P3H2: variants seen among roughly 807,000 people sequenced by gnomAD.
P3H2 encodes prolyl 3-hydroxylase 2.
A neutral mutation model predicts 87.0 loss-of-function variants in P3H2; 80 were observed. The observed-to-expected ratio is 0.92, with a 90% CI of 0.77 to 1.11. The LOEUF is 1.11. Among genes scored for constraint, P3H2 ranks in the 50% least tolerant of loss-of-function variants. The probability of loss-of-function intolerance (pLI) is 0.00; values close to 1 mark genes in which losing one functional copy is unlikely to be tolerated. For missense variants in P3H2, 1,001 were observed against 923.9 expected (o/e 1.08, Z -1.08); for synonymous variants, 367 against 359.3 (o/e 1.02, Z -0.24).
intron 1 of P3H2, among the ~76,000 whole-genome samples, chr3:190,103,800 C>CT (rs764762298): frequency 1.6e-4 from 24 of 148,960 alleles, no homozygotes; most frequent in East Asian, 1.4e-3. Context: ...TTTTCAGTAG[C>CT]TTTTTTTTTT....
At chr3:189,994,535 T>C (rs1435569205) in intron 2 of P3H2, among the ~76,000 whole-genome samples, 1 of 152,108 alleles carries the variant, frequency 6.6e-6, no homozygotes, top group African/African-American at 2.4e-5. Context: ...TCAATGTCGT[T>C]TTTTTCCTTA....
At chr3:190,074,087 T>C (rs1053614851) in intron 1 of P3H2, among the ~76,000 whole-genome samples, 1 of 152,226 alleles carries the variant, frequency 6.6e-6, no homozygotes. Context: ...TGAGCCTTCA[T>C]GTACAAGCTA....
At chr3:189,981,482 G>A (rs550338103) in intron 8 of P3H2, among the ~76,000 whole-genome samples, 1 of 151,900 alleles carries the variant, frequency 6.6e-6, no homozygotes, top group Non-Finnish European at 1.5e-5. Flanking sequence ...GAGTACGGTA[G>A]GTAAAAAAAA....
chr3:190,064,220 T>C (rs1303834994), intron 1 of P3H2, among the ~76,000 whole-genome samples: 1 of 151,708 alleles, frequency 6.6e-6, no homozygotes, highest in Non-Finnish European at 1.5e-5. Context: ...TGAACTCCTG[T>C]TGCTCAGTTC....
rs1022248794 is a variant in P3H2 at position 190,098,567 on chromosome 3, T to C, written c.480+21685A>G. Reference sequence around the variant, plus strand: ...ACTATTCTAAGTGCCTAACTTGTATTCACTAATGAAATCCTCGCAATGCCA... The same window carrying C: ...ACTATTCTAAGTGCCTAACTTGTATCCACTAATGAAATCCTCGCAATGCCA... On this transcript the variant is annotated intron_variant, in intron 1 of 14. Coordinates refer to ENST00000319332, the MANE Select transcript of P3H2 (RefSeq NM_018192.4). Among the ~76,000 whole-genome samples, 17 of 152,304 alleles carry C rather than the reference T, an allele frequency of 1.1e-4. 2 individuals carry two copies. The South Asian group carries it at 3.3e-3, about 30-fold the overall frequency.
intron 1 of P3H2, among the ~76,000 whole-genome samples, chr3:190,074,281 G>A (rs6768989): frequency 0.14 from 21,343 of 152,024 alleles, 1,848 homozygotes; most frequent in Non-Finnish European, 0.2. Flanking sequence ...AGGTCGAGGT[G>A]AATGGATCAC....
At chr3:189,989,931 A>G (rs1577257808) in intron 3 of P3H2, among the ~76,000 whole-genome samples, 1 of 152,182 alleles carries the variant, frequency 6.6e-6, no homozygotes, top group East Asian at 1.9e-4. Context: ...ACCTTGACTG[A>G]TTTTTACAAT....
chr3:189,958,142 T>A, intron 14 of P3H2, 138 bp from the exon 15 acceptor site: 1 of 716,028 alleles, frequency 1.4e-6, no homozygotes. Flanking sequence ...ACACCTCCTC[T>A]TCATCCCCAG....
At chr3:190,088,061 A>G (rs1055770193) in intron 1 of P3H2, among the ~76,000 whole-genome samples, 1 of 152,232 alleles carries the variant, frequency 6.6e-6, no homozygotes, top group African/African-American at 2.4e-5. Context: ...ACTCAAGGTA[A>G]GCGCAACAGA....
At chr3:190,072,026 G>A (rs918670561) in intron 1 of P3H2, among the ~76,000 whole-genome samples, 25 of 129,174 alleles carry the variant, frequency 1.9e-4, no homozygotes, top group Non-Finnish European at 9.4e-5. Flanking sequence ...TTGTTGCCCC[G>A]GCTGGAGTGC....
rs75204350 is a variant in P3H2 at position 189,959,860 on chromosome 3, A to ATGTGTGTG, written c.2035-1864_2035-1857dup. On this transcript the variant is annotated intron_variant, in intron 14 of 14. Transcript: ENST00000319332. ...GTAACTCTCCAGGACTGGAGGAGAT[A>ATGTGTGTG]TGTGTGTGTGTGTGTGTGTGTGTGT... Among the ~76,000 whole-genome samples the ATGTGTGTG allele has an allele frequency of 3.9e-3, 526 of 134,812 alleles. 4 individuals carry two copies. The highest frequency in any genetic ancestry group is 7.2e-3 in the African/African-American group (264 of 36,592). 88.4% of individuals were successfully genotyped at this position (134,812 alleles called of 152,430 possible). A position where few individuals can be genotyped will look rare whatever the true frequency, so the allele number is the denominator to read the frequency against.
At position 189,973,914 on chromosome 3, in the gene P3H2, G is replaced by C; in HGVS notation, c.1543C>G (p.Leu515Val). ...AAAAGAAGTTAAGACTTTACTTTGAGTGCTTTCAGGACAGTTGCACCTTCA... is the reference window on the plus strand; with the variant it reads ...AAAAGAAGTTAAGACTTTACTTTGACTGCTTTCAGGACAGTTGCACCTTCA... Reference protein sequence around the residue: ...KFEGATVLKALKSGYEGRVPL... With the variant: ...KFEGATVLKAVKSGYEGRVPL... Residue 515 changes from leucine to valine, a missense_variant, in exon 10 of 15, where the codon CTC becomes GTC. Physicochemically the swap from Leu to Val is conservative, Grantham distance 32. Transcript: ENST00000319332. 1 of 1,612,328 alleles carries C rather than the reference G, an allele frequency of 6.2e-7. No homozygotes were observed. The highest frequency in any genetic ancestry group is 8.5e-7 in the Non-Finnish European group (1 of 1,178,340).
At chr3:190,003,666 T>A (rs1405009207) in intron 1 of P3H2, among the ~76,000 whole-genome samples, 1 of 152,190 alleles carries the variant, frequency 6.6e-6, no homozygotes, top group Non-Finnish European at 1.5e-5. Context: ...TGATGGAAGG[T>A]AGACAAGTCG....
intron 1 of P3H2, among the ~76,000 whole-genome samples, chr3:190,007,719 T>C (rs1724430272): frequency 6.6e-6 from 1 of 151,790 alleles, no homozygotes; most frequent in Admixed American, 6.6e-5. Context: ...TAGATGTTCA[T>C]AAGACTTATA....
chr3:190,041,201 G>T (rs559671113), intron 1 of P3H2, among the ~76,000 whole-genome samples: 72 of 145,342 alleles, frequency 5.0e-4, no homozygotes, highest in African/African-American at 1.8e-3. Context: ...GAGCCTAGGA[G>T]GTTAAGGCTG....
rs569250739 is a variant in P3H2 at position 189,987,744 on chromosome 3, G to A, written c.956-75C>T. 6.9e-5 allele frequency: 108 copies of A among 1,567,152 alleles called. 1 individual carries two copies. Among genetic ancestry groups the A allele is most frequent in the East Asian group, 9.0e-5 (4 of 44,580 alleles). On this transcript the variant is annotated intron_variant, in intron 4 of 14. Transcript: ENST00000319332. ...AGGATTTTAAAGGGAGGCCATCAAC[G>A]TGTCTACAAAGGTCAGCATTAAACA...
chr3:189,970,191 A>AATATATATATAT (rs71175322), intron 13 of P3H2, among the ~76,000 whole-genome samples: 1,659 of 53,726 alleles, frequency 0.031, 101 homozygotes, highest in African/African-American at 0.055. Context: ...TATATATGCA[A>AATATATATATAT]ATATATATAT....
At chr3:190,028,324 T>A (rs1439069093) in intron 1 of P3H2, among the ~76,000 whole-genome samples, 2 of 152,204 alleles carry the variant, frequency 1.3e-5, no homozygotes, top group East Asian at 3.8e-4. Context: ...AAAATACACA[T>A]GACTGATATT....
intron 1 of P3H2, among the ~76,000 whole-genome samples, chr3:190,109,176 C>T (rs906944783): frequency 6.6e-6 from 1 of 152,172 alleles, no homozygotes; most frequent in Non-Finnish European, 1.5e-5. Context: ...TGCCTGAGAC[C>T]TTTAGACTTC....
Sources: allele counts gnomAD v4.1 joint callset (sites outside exome capture counted in the v4.1 genomes callset), GRCh38; gene constraint gnomAD v4.1.1; transcripts MANE v1.5; gene names NCBI Gene and HGNC (gene_info 2026-07-23, HGNC 2026-07-21).